CCDC40: variants seen among roughly 807,000 people sequenced by gnomAD.
CCDC40 encodes the protein coiled-coil domain-containing protein 40.
A neutral mutation model predicts 124.5 loss-of-function variants in CCDC40; 104 were observed. The ratio of observed to expected loss-of-function variants is 0.84; its 90% CI spans 0.71 to 0.98. The LOEUF is 0.98. CCDC40 is among the 50% of genes least tolerant of loss of function. CCDC40 has a pLI of 0.00. For synonymous variants in CCDC40, 580 were observed against 602.9 expected (o/e 0.96, Z 0.56); for missense variants, 1,463 against 1,503.9 (o/e 0.97, Z 0.45).
intron 5 of CCDC40, 58 bp downstream of exon 5, chr17:80,048,819 C>G: frequency 6.9e-7 from 1 of 1,454,872 alleles, no homozygotes; most frequent in Non-Finnish European, 9.5e-7. Flanking sequence ...TGACTCAGGC[C>G]CCTTTCTCTG....
intron 4 of CCDC40, 26 bp downstream of exon 4, chr17:80,047,428 C>T (rs2037455983): frequency 2.5e-6 from 4 of 1,603,648 alleles, no homozygotes; most frequent in Non-Finnish European, 3.4e-6. Context: ...TGAGGTCACC[C>T]TGCCCTGGCG....
In CCDC40 at chr17:80,078,847, A is replaced by G. The variant is rs533644611; in HGVS notation, c.1563-2699A>G. Among the ~76,000 whole-genome samples the G allele has an allele frequency of 7.2e-5, 11 of 152,246 alleles. No individual in the cohort carries two copies. The East Asian group carries it at 1.9e-3, about 27-fold the overall frequency. Reference sequence around the variant, plus strand: ...ATGTAACTGAAATTACATTGAATCCATAGATCAGTTTGAAGAGAATTGAGG... The same window carrying G: ...ATGTAACTGAAATTACATTGAATCCGTAGATCAGTTTGAAGAGAATTGAGG... On this transcript the variant is annotated intron_variant, in intron 10 of 19. Transcript: ENST00000397545.
At chr17:80,036,874 AC>A (rs1017011849) in intron 1 of CCDC40, 183 bp downstream of exon 1, 21 of 449,980 alleles carry the variant, frequency 4.7e-5, no homozygotes, top group Admixed American at 2.4e-4. Context: ...TCAGCCCCTC[AC>A]CCCCCCGCCA....
chr17:80,078,559 G>A (rs2038367927), intron 10 of CCDC40, among the ~76,000 whole-genome samples: 1 of 152,080 alleles, frequency 6.6e-6, no homozygotes, highest in South Asian at 2.1e-4. Flanking sequence ...TTGAAATCCT[G>A]TGACACCTTT....
intron 12 of CCDC40, among the ~76,000 whole-genome samples, 197 bp from the exon 13 acceptor site, chr17:80,084,546 C>T (rs1199851346): frequency 2.6e-5 from 4 of 152,152 alleles, no homozygotes; most frequent in African/African-American, 9.7e-5. Context: ...TGTAAAAAGC[C>T]AACATCTGGG....
At chr17:80,049,794 G>A (rs2037531299) in intron 5 of CCDC40, 112 bp from the exon 6 acceptor site, 5 of 832,884 alleles carry the variant, frequency 6.0e-6, no homozygotes, top group Non-Finnish European at 8.3e-6. Flanking sequence ...CACTCCACAC[G>A]GAAGTCGTCT....
chr17:80,042,754 A>G (rs537579301), intron 3 of CCDC40, among the ~76,000 whole-genome samples: 34 of 152,172 alleles, frequency 2.2e-4, no homozygotes, highest in Non-Finnish European at 1.5e-4. Context: ...CAGGAAAAGC[A>G]TCAGTCTTTG....
intron 3 of CCDC40, among the ~76,000 whole-genome samples, chr17:80,043,584 C>T (rs1452027615): frequency 6.6e-6 from 1 of 151,428 alleles, no homozygotes. Flanking sequence ...ATAAGGAGTC[C>T]CTCCTGGTTT....
At chr17:80,057,875 C>CA (rs11442765) in intron 7 of CCDC40, among the ~76,000 whole-genome samples, 51,244 of 140,210 alleles carry the variant, frequency 0.37, 10,947 homozygotes, top group African/African-American at 0.63. Flanking sequence ...GATTTCGTCT[C>CA]AAAAAAAAAA....
chr17:80,092,850 C>T (rs771601637), intron 17 of CCDC40, among the ~76,000 whole-genome samples: 3 of 152,290 alleles, frequency 2.0e-5, no homozygotes, highest in Admixed American at 6.5e-5. Context: ...TCACGAAGAG[C>T]TTCTCTTCTG....
At chr17:80,064,028 T>C (rs985144664) in intron 9 of CCDC40, among the ~76,000 whole-genome samples, 4 of 152,098 alleles carry the variant, frequency 2.6e-5, no homozygotes, top group Non-Finnish European at 5.9e-5. Flanking sequence ...GGGAAGTCAG[T>C]CCCGGGATGT....
intron 10 of CCDC40, among the ~76,000 whole-genome samples, chr17:80,071,559 G>A (rs978376540): frequency 3.9e-5 from 6 of 152,244 alleles, no homozygotes; most frequent in African/African-American, 1.2e-4. Flanking sequence ...GACAGTCCCC[G>A]ACGTCACGAT....
In CCDC40 at chr17:80,049,907, C is replaced by T. The variant is rs1399705247; in HGVS notation, c.857C>T (p.Pro286Leu). The T allele has an allele frequency of 6.2e-7, 1 of 1,613,704 alleles. No individual in the cohort carries two copies. The highest frequency in any genetic ancestry group is 1.3e-5 in the African/African-American group (1 of 74,886). Residue 286 changes from proline (P) to leucine (L), a missense_variant and splice_region_variant, in exon 6 of 20, where the codon CCC becomes CTC. Physicochemically the swap from Pro to Leu is moderately conservative, Grantham distance 98 (BLOSUM62 -3). Coordinates refer to ENST00000397545, the MANE Select transcript of CCDC40 (RefSeq NM_017950.4). ...ACCTGTGGTTTTCCATTGTTCTAGC[C>T]CCTGATGGTAAGATTCCAGGCTGCC... is the stretch of plus-strand genomic sequence containing the variant. ...SQLVVLDPDH[P>L]LMVRFQAALK...
rs2038055135 is a variant in CCDC40, at chr17:80,066,667, C to T, written c.1562+1061C>T. On this transcript the variant is annotated intron_variant, in intron 10 of 19. Transcript: ENST00000397545. This position sits in a 1 kb window ranked among gnomAD's most constrained non-coding sequence, Gnocchi z 4.4. ...CTACTCGGGAGGGTGAGACAGAGAA[C>T]TGCTTGAATTGCGGAGGTTGTAGTG... The T allele has an allele frequency of 6.3e-6, 1 of 158,036 alleles. No homozygotes were observed. Among genetic ancestry groups the T allele is most frequent in the Admixed American group, 6.3e-5 (1 of 15,988 alleles). The allele number at this position is 158,036 out of a possible 1,614,324, so 9.8% of individuals were successfully genotyped here. A position where few individuals can be genotyped will look rare whatever the true frequency, so the allele number is the denominator to read the frequency against.
Position 80,058,749 on chromosome 17 carries a change from G to GGGGTGGCGGCCGGCCT in CCDC40, c.1318-100_1318-85dup, listed in dbSNP as rs1191386572. 3 of 1,601,772 alleles carry GGGGTGGCGGCCGGCCT rather than the reference G, an allele frequency of 1.9e-6. No homozygotes were observed. The highest frequency in any genetic ancestry group is 2.6e-6 in the Non-Finnish European group (3 of 1,169,394). On this transcript the variant is annotated intron_variant, in intron 8 of 19. Coordinates refer to ENST00000397545, the MANE Select transcript of CCDC40 (RefSeq NM_017950.4). The surrounding 1 kb of genome is among the most constrained non-coding windows in gnomAD (Gnocchi z 4.2). ...TCCTGCGTGAAGGCTTCCGGCCGGAGGGGTGGCGGCCGGCCTGGGTGGCGT... is the reference window on the plus strand; with the variant it reads ...TCCTGCGTGAAGGCTTCCGGCCGGAGGGGTGGCGGCCGGCCTGGGTGGCGGCCGGCCTGGGTGGCGT...
At position 80,040,194 on chromosome 17, in the gene CCDC40, C is replaced by T; in HGVS notation, c.476C>T (p.Pro159Leu). The T allele has an allele frequency of 6.2e-7, 1 of 1,613,910 alleles. No individual in the cohort carries two copies. Among genetic ancestry groups the T allele is most frequent in the East Asian group, 2.2e-5 (1 of 44,874 alleles). ...PESRERRVTS[P>L]EPSHGVLGPS... is the part of the protein sequence containing the mutation. ...TCCAGAGAAAGGAGGGTCACCTCCC[C>T]AGAGCCATCCCACGGAGTCTTAGGC... is the stretch of plus-strand genomic sequence containing the variant. The change falls in exon 3 of 20, where the codon CCA becomes CTA. Residue 159 changes from proline (P) to leucine (L), a missense_variant. Transcript: ENST00000397545.
intron 4 of CCDC40, among the ~76,000 whole-genome samples, chr17:80,047,783 C>T (rs1028425990): frequency 6.6e-6 from 1 of 152,126 alleles, no homozygotes; most frequent in African/African-American, 2.4e-5. Context: ...TGACAGCAAC[C>T]CCAGGCCTGA....
At position 80,085,067 on chromosome 17, in the gene CCDC40, G is replaced by A. The variant is rs547859149; in HGVS notation, c.2235+79G>A. 5.7e-4 allele frequency: 885 copies of A among 1,548,344 alleles called. 14 individuals are homozygous for A. The South Asian group carries it at 9.0e-3, about 16-fold the overall frequency. On this transcript the variant is annotated intron_variant, in intron 13 of 19. Transcript: ENST00000397545. ...GGCAGAGCCCCCTCAGATCCCCCAC[G>A]GTCAGACATGAACTCCTGGAAGGCA...
chr17:80,061,213 G>C (rs1488316708), intron 9 of CCDC40, among the ~76,000 whole-genome samples: 2 of 152,188 alleles, frequency 1.3e-5, no homozygotes, highest in East Asian at 3.9e-4. Context: ...GGGCGTGGTG[G>C]TACACGCCTG....
Sources: gnomAD v4.1 joint callset for allele counts (sites outside exome capture counted in the v4.1 genomes callset) on GRCh38, gnomAD v4.1.1 for gene constraint, Gnocchi (gnomAD v3.1) non-coding constraint, MANE v1.5 for transcripts, NCBI Gene and HGNC (gene_info 2026-07-23, HGNC 2026-07-21) for gene names.